MED13L: variants seen among roughly 807,000 people sequenced by gnomAD.
MED13L encodes the protein mediator complex subunit 13L.
Under a neutral mutation model 220.9 loss-of-function variants are expected in MED13L, and 7 were observed. The observed-to-expected ratio is 0.03, with a 90% CI of 0.02 to 0.06. The LOEUF is 0.06. MED13L is among the 10% of genes least tolerant of loss of function. The pLI is 1.00. For synonymous variants in MED13L, 1,011 were observed against 1,015.2 expected, an observed-to-expected ratio of 1.00 and a Z score of 0.08; for missense variants, 1,965 against 2,760.5, an observed-to-expected ratio of 0.71 and a Z score of 6.46.
chr12:115,979,153 T>C (rs1237186095), intron 23 of MED13L, among the ~76,000 whole-genome samples: 1 of 152,246 alleles, frequency 6.6e-6, no homozygotes, highest in Non-Finnish European at 1.5e-5. Context: ...CAAATATTTA[T>C]AACATTTGGT....
chr12:116,184,284 T>C (rs1880735891), intron 2 of MED13L, among the ~76,000 whole-genome samples: 1 of 152,134 alleles, frequency 6.6e-6, no homozygotes. Flanking sequence ...TATTACAATA[T>C]TAAATGAAAG....
At chr12:116,071,536 C>T (rs1160182534) in intron 4 of MED13L, among the ~76,000 whole-genome samples, 1 of 152,204 alleles carries the variant, frequency 6.6e-6, no homozygotes, top group Non-Finnish European at 1.5e-5. Context: ...AAGTGATTCT[C>T]CTGCCTCAGC....
At chr12:116,093,583 A>G (rs188734888) in intron 4 of MED13L, among the ~76,000 whole-genome samples, 46 of 152,146 alleles carry the variant, frequency 3.0e-4, no homozygotes, top group Admixed American at 6.5e-4. Flanking sequence ...CTCATTCATC[A>G]GTATTTTTTC....
intron 1 of MED13L, among the ~76,000 whole-genome samples, chr12:116,254,797 A>G (rs1290369343): frequency 6.6e-6 from 1 of 152,180 alleles, no homozygotes; most frequent in Admixed American, 6.5e-5. Flanking sequence ...ATAGCCATTA[A>G]AACAGCATTG....
chr12:116,215,779 A>C (rs1882956138), intron 2 of MED13L, among the ~76,000 whole-genome samples: 1 of 152,172 alleles, frequency 6.6e-6, no homozygotes, highest in African/African-American at 2.4e-5. Flanking sequence ...CACCAATTTA[A>C]TGGTCCTCAC....
intron 4 of MED13L, among the ~76,000 whole-genome samples, chr12:116,046,369 A>C (rs1227230119): frequency 2.0e-5 from 3 of 152,216 alleles, no homozygotes; most frequent in African/African-American, 7.2e-5. Flanking sequence ...CTCTGATACA[A>C]AATCTAAAGC....
intron 23 of MED13L, among the ~76,000 whole-genome samples, chr12:115,977,799 C>T (rs1202699240): frequency 6.6e-6 from 1 of 152,112 alleles, no homozygotes; most frequent in Non-Finnish European, 1.5e-5. Flanking sequence ...GAGCTCAAGA[C>T]CAGCCTGGGC....
At chr12:116,247,322 T>C (rs959466936) in intron 1 of MED13L, among the ~76,000 whole-genome samples, 3 of 152,184 alleles carry the variant, frequency 2.0e-5, no homozygotes, top group Non-Finnish European at 1.5e-5. Flanking sequence ...TCACTTATAC[T>C]ACTTTATAGA....
Position 116,006,008 on chromosome 12 carries a change from G to A in MED13L, c.2345-15C>T, listed in dbSNP as rs771823663. The A allele has an allele frequency of 1.9e-6, 3 of 1,613,672 alleles. No individual in the cohort carries two copies. The highest frequency in any genetic ancestry group is 2.2e-5 in the South Asian group (2 of 91,076). On this transcript the variant is annotated splice_polypyrimidine_tract_variant and intron_variant, in intron 12 of 30. Coordinates refer to ENST00000281928, the MANE Select transcript of MED13L (RefSeq NM_015335.5). ...CTGCCGGACATCTGTAGGAAAGGAG[G>A]CAAAAGACACAGAATAAACAACTCC... is the stretch of plus-strand genomic sequence containing the variant.
chr12:116,009,249 T>C, intron 9 of MED13L, 117 bp from the exon 10 acceptor site: 1 of 941,488 alleles, frequency 1.1e-6, no homozygotes, highest in Non-Finnish European at 1.6e-6. Context: ...GGGCTCTAAG[T>C]TTTTAATTAT....
rs761136335 is a variant in MED13L at position 115,991,038 on chromosome 12, A to G, written c.3916T>C (p.Ser1306Pro). The change falls in exon 17 of 31, where the codon TCT (serine) becomes CCT (proline). Residue 1306 changes from serine (S) to proline (P), a missense_variant. By Grantham distance (74) the Ser-to-Pro change is moderately conservative (BLOSUM62 -1). Transcript: ENST00000281928. This position sits in a 1 kb window ranked among gnomAD's most constrained non-coding sequence, Gnocchi z 7.7. Reference protein sequence around the residue: ...EALVRSATVHSWPHSNVLDIS... With the variant: ...EALVRSATVHPWPHSNVLDIS... ...CACCTACCATTGCTGTGAGGCCAAG[A>G]GTGCACAGTGGCACTTCTCACCAGA... The G allele has an allele frequency of 1.2e-6, 2 of 1,614,112 alleles. No individual in the cohort carries two copies. Among genetic ancestry groups the G allele is most frequent in the Non-Finnish European group, 1.7e-6 (2 of 1,180,026 alleles).
chr12:116,101,157 G>A (rs983986661), intron 3 of MED13L, among the ~76,000 whole-genome samples: 29 of 152,112 alleles, frequency 1.9e-4, no homozygotes, highest in Middle Eastern at 3.4e-3. Flanking sequence ...TTTCTGTCCC[G>A]ATCAAGCCTG....
At chr12:116,104,255 C>CT (rs1873357138) in intron 3 of MED13L, among the ~76,000 whole-genome samples, 1 of 151,972 alleles carries the variant, frequency 6.6e-6, no homozygotes, top group South Asian at 2.1e-4. Context: ...GGTGATCCAC[C>CT]TGTCTCGGCC....
At chr12:116,268,954 CTTTTA>C (rs752127104) in intron 1 of MED13L, among the ~76,000 whole-genome samples, 23 of 152,096 alleles carry the variant, frequency 1.5e-4, no homozygotes, top group Admixed American at 4.6e-4. Context: ...TCCCCATCAA[CTTTTA>C]TTTTAAGTTC....
In MED13L at chr12:115,991,963, A is replaced by G. The variant is rs762323057; in HGVS notation, c.2997-6T>C. ...TCCCAACACTAGGCACGTTACTACA[A>G]AAAGAGAAGGCACCAAGTGAGGAAG... is the stretch of plus-strand genomic sequence containing the variant. On this transcript the variant is annotated splice_region_variant and splice_polypyrimidine_tract_variant and intron_variant, in intron 16 of 30. Coordinates refer to ENST00000281928, the MANE Select transcript of MED13L (RefSeq NM_015335.5). The surrounding 1 kb of genome is among the most constrained non-coding windows in gnomAD (Gnocchi z 7.7). The G allele has an allele frequency of 1.9e-6, 3 of 1,597,886 alleles. No homozygotes were observed. The highest frequency in any genetic ancestry group is 2.2e-5 in the South Asian group (2 of 90,852).
chr12:116,087,786 G>A (rs1445945574), intron 4 of MED13L, among the ~76,000 whole-genome samples: 2 of 152,172 alleles, frequency 1.3e-5, no homozygotes, highest in East Asian at 3.9e-4. Flanking sequence ...TTTGTATAGA[G>A]CACTAAAAGT....
At chr12:116,241,277 C>G (rs915458903) in intron 1 of MED13L, among the ~76,000 whole-genome samples, 1 of 150,968 alleles carries the variant, frequency 6.6e-6, no homozygotes, top group African/African-American at 2.4e-5. Flanking sequence ...TGCACTCCAG[C>G]CTGGCAACAC....
At chr12:116,269,894 G>C (rs538404155) in intron 1 of MED13L, among the ~76,000 whole-genome samples, 3 of 150,188 alleles carry the variant, frequency 2.0e-5, no homozygotes, top group Non-Finnish European at 4.4e-5. Flanking sequence ...TTTTGCCTTG[G>C]ACACAACTGA....
intron 1 of MED13L, chr12:116,276,474 T>A: frequency 3.9e-6 from 5 of 1,288,702 alleles, no homozygotes; most frequent in Non-Finnish European, 5.1e-6. Context: ...TCCAGCATAG[T>A]AAGCCCCGAG....
Sources: allele counts gnomAD v4.1 joint callset (sites outside exome capture counted in the v4.1 genomes callset), GRCh38; gene constraint gnomAD v4.1.1; non-coding constraint Gnocchi (gnomAD v3.1); transcripts MANE v1.5; gene names NCBI Gene and HGNC (gene_info 2026-07-23, HGNC 2026-07-21).